The following C1orf146 variants were observed in gnomAD, a reference collection of about 807,000 sequenced individuals.
The protein encoded by C1orf146 is protein SPO16 homolog.
Under a neutral mutation model 23.0 loss-of-function variants are expected in C1orf146, and 22 were observed. The ratio of observed to expected loss-of-function variants is 0.96; its 90% CI spans 0.68 to 1.36. The LOEUF (loss-of-function observed/expected upper bound fraction) is 1.36, where lower values mean the gene tolerates loss of function less well. Ranked by LOEUF, C1orf146 falls within the 40% of genes most tolerant of loss-of-function variation. The pLI is 0.00. For synonymous variants in C1orf146, 59 were observed against 65.3 expected, an observed-to-expected ratio of 0.90 and a Z score of 0.47; for missense variants, 199 against 206.8, an observed-to-expected ratio of 0.96 and a Z score of 0.23.
At position 92,245,553 on chromosome 1, in the gene C1orf146, C is replaced by T. The variant is rs367670494; in HGVS notation, c.422C>T (p.Pro141Leu). Residue 141 changes from proline to leucine, a missense_variant, in exon 6 of 6, where the codon CCA becomes CTA. Physicochemically the swap from Pro to Leu is moderately conservative, Grantham distance 98 (BLOSUM62 -3). Coordinates refer to ENST00000370375, the MANE Select transcript of C1orf146 (RefSeq NM_001012425.2). ...ATCTTCTTCCAGACTACCTCCAAAC[C>T]ATACATAGATAGCATTTGCTACAGA... ...MCTIAKTTSK[P>L]YIDSICYRMI... The T allele has an allele frequency of 5.6e-6, 9 of 1,594,762 alleles. No homozygotes were observed. The highest frequency in any genetic ancestry group is 7.7e-6 in the Non-Finnish European group (9 of 1,173,228).
intron 2 of C1orf146, among the ~76,000 whole-genome samples, chr1:92,239,571 G>A (rs1652379792): frequency 6.6e-6 from 1 of 152,012 alleles, no homozygotes; most frequent in Admixed American, 6.6e-5. Flanking sequence ...GGCCAACATG[G>A]TGAAACCCTG....
At chr1:92,220,049 C>T (rs552830614) in intron 1 of C1orf146, among the ~76,000 whole-genome samples, 40 of 152,148 alleles carry the variant, frequency 2.6e-4, no homozygotes, top group Non-Finnish European at 1.3e-4. Context: ...TTATGACATG[C>T]CCCATCAATG....
At chr1:92,229,980 C>A (rs1025717450) in intron 1 of C1orf146, among the ~76,000 whole-genome samples, 1 of 152,102 alleles carries the variant, frequency 6.6e-6, no homozygotes, top group Non-Finnish European at 1.5e-5. Flanking sequence ...TTCTTCTCAC[C>A]TCATACGTAT....
In C1orf146 at chr1:92,244,855, A is replaced by C; in HGVS notation, c.406A>C (p.Lys136Gln). 2 of 1,572,658 alleles carry C rather than the reference A, an allele frequency of 1.3e-6. No homozygotes were observed. The highest frequency in any genetic ancestry group is 3.3e-5 in the Admixed American group (2 of 59,766). The change falls in exon 5 of 6, where the codon AAG (lysine) becomes CAG (glutamine). Residue 136 changes from lysine to glutamine, a missense_variant and splice_region_variant. Coordinates refer to ENST00000370375, the MANE Select transcript of C1orf146 (RefSeq NM_001012425.2). ...NAINLMCTIA[K>Q]TTSKPYIDSI... is the part of the protein sequence containing the mutation. ...TATTAATCTTATGTGCACTATAGCAAAGGTGAGTCACCCGTGGAATATGAC... is the reference window on the plus strand; with the variant it reads ...TATTAATCTTATGTGCACTATAGCACAGGTGAGTCACCCGTGGAATATGAC...
chr1:92,244,354 G>A lies in C1orf146; in HGVS notation c.298G>A (p.Glu100Lys). 6.2e-7 allele frequency: 1 copy of A among 1,609,870 alleles called. No individual in the cohort carries two copies. The highest frequency in any genetic ancestry group is 8.5e-7 in the Non-Finnish European group (1 of 1,178,926). The change falls in exon 4 of 6, where the codon GAA becomes AAA. Residue 100 changes from glutamate (E) to lysine (K), a missense_variant. Transcript: ENST00000370375. ...VLSAALHGPEEWKLMFRIQQR... is the reference protein window; with the variant it reads ...VLSAALHGPEKWKLMFRIQQR... Reference sequence around the variant, plus strand: ...GTCTGCTGCCCTCCATGGGCCTGAAGAATGGAAACTGATGTTCAGGATTCA... The same window carrying A: ...GTCTGCTGCCCTCCATGGGCCTGAAAAATGGAAACTGATGTTCAGGATTCA...
chr1:92,239,742 C>A (rs367562677), intron 2 of C1orf146, among the ~76,000 whole-genome samples: 158 of 151,202 alleles, frequency 1.0e-3, no homozygotes, highest in African/African-American at 3.6e-3. Context: ...CAGAGTGAGA[C>A]CCTGTCTCAA....
chr1:92,242,097 T>G, intron 2 of C1orf146, 115 bp from the exon 3 acceptor site: 1 of 505,736 alleles, frequency 2.0e-6, no homozygotes, highest in Non-Finnish European at 3.4e-6. Flanking sequence ...CTTTTGATGA[T>G]CATATCTTTA....
chr1:92,234,623 C>T (rs1474293493), intron 2 of C1orf146, among the ~76,000 whole-genome samples: 4 of 152,208 alleles, frequency 2.6e-5, no homozygotes, highest in Non-Finnish European at 4.4e-5. Context: ...ATGCTGGCCT[C>T]ATAAAATGAG....
chr1:92,228,271 A>T (rs1179319307), intron 1 of C1orf146, among the ~76,000 whole-genome samples: 2 of 152,140 alleles, frequency 1.3e-5, no homozygotes, highest in Non-Finnish European at 2.9e-5. Flanking sequence ...TCCAATTGTC[A>T]TATACTGCTT....
At chr1:92,242,333 G>T (rs376534797) in intron 3 of C1orf146, 28 bp downstream of exon 3, 2 of 1,180,662 alleles carry the variant, frequency 1.7e-6, no homozygotes, top group Non-Finnish European at 2.5e-6. Context: ...ACTGCCTTAA[G>T]TTTCTTATGA....
chr1:92,241,152 T>C (rs1013137499), intron 2 of C1orf146, among the ~76,000 whole-genome samples: 1 of 150,944 alleles, frequency 6.6e-6, no homozygotes, highest in Non-Finnish European at 1.5e-5. Flanking sequence ...TCCATAGTTA[T>C]ACATTAATGC....
At chr1:92,233,610 T>C (rs2100739303) in intron 2 of C1orf146, among the ~76,000 whole-genome samples, 2 of 152,320 alleles carry the variant, frequency 1.3e-5, no homozygotes, top group Non-Finnish European at 2.9e-5. Flanking sequence ...TTTGGTTCCA[T>C]GTGAACTTTA....
intron 1 of C1orf146, among the ~76,000 whole-genome samples, chr1:92,228,611 G>C (rs577073936): frequency 6.6e-6 from 1 of 152,126 alleles, no homozygotes; most frequent in African/African-American, 2.4e-5. Context: ...CCAGCCTCTA[G>C]AGAAATCCCA....
chr1:92,244,984 A>T, intron 5 of C1orf146, 127 bp downstream of exon 5: 1 of 562,544 alleles, frequency 1.8e-6, no homozygotes. Context: ...TTGCTGTTTC[A>T]GGGTGCAACT....
At chr1:92,221,646 C>A (rs1651820017) in intron 1 of C1orf146, among the ~76,000 whole-genome samples, 1 of 152,066 alleles carries the variant, frequency 6.6e-6, no homozygotes, top group Non-Finnish European at 1.5e-5. Flanking sequence ...CTTCTGGGAC[C>A]TTTTTCAGTG....
At chr1:92,245,207 TCTA>T (rs1470253984) in intron 5 of C1orf146, among the ~76,000 whole-genome samples, 1 of 152,204 alleles carries the variant, frequency 6.6e-6, no homozygotes, top group African/African-American at 2.4e-5. Flanking sequence ...CTACCAATTG[TCTA>T]CTTTCTTTTC....
rs374813616 is a variant in C1orf146, at chr1:92,235,684, T to C, written c.66+4198T>C. Among the ~76,000 whole-genome samples, 399 of 152,286 alleles carry C rather than the reference T, an allele frequency of 2.6e-3. 2 individuals are homozygous for C. The highest frequency in any genetic ancestry group is 0.018 in the South Asian group (89 of 4,814). Reference sequence around the variant, plus strand: ...TATCCTTGTTGACTTTCTGTCTCGTTGATCTGTCTAATGTTGACAGTGGGG... The same window carrying C: ...TATCCTTGTTGACTTTCTGTCTCGTCGATCTGTCTAATGTTGACAGTGGGG... On this transcript the variant is annotated intron_variant, in intron 2 of 5. Coordinates refer to ENST00000370375, the MANE Select transcript of C1orf146 (RefSeq NM_001012425.2).
At chr1:92,232,684 A>G (rs1404806172) in intron 2 of C1orf146, among the ~76,000 whole-genome samples, 10 of 151,618 alleles carry the variant, frequency 6.6e-5, no homozygotes, top group African/African-American at 2.4e-4. Flanking sequence ...GAATCACCAC[A>G]CTGTCTTCCA....
At chr1:92,219,223 C>G (rs1298420791) in intron 1 of C1orf146, among the ~76,000 whole-genome samples, 1 of 152,006 alleles carries the variant, frequency 6.6e-6, no homozygotes, top group East Asian at 1.9e-4. Flanking sequence ...AAGCCCTTCC[C>G]CCAGCCAACT....
Sources: allele counts gnomAD v4.1 joint callset (sites outside exome capture counted in the v4.1 genomes callset), GRCh38; gene constraint gnomAD v4.1.1; transcripts MANE v1.5; gene names NCBI Gene and HGNC (gene_info 2026-07-23, HGNC 2026-07-21).